EXOC4: variants seen among roughly 807,000 people sequenced by gnomAD.
EXOC4 encodes the protein SEC8-like 1.
Under a neutral mutation model 107.2 loss-of-function variants are expected in EXOC4, and 71 were observed. That is an observed-to-expected ratio of 0.66 (90% confidence interval 0.55 to 0.81). The LOEUF (loss-of-function observed/expected upper bound fraction) is 0.81, where lower values mean the gene tolerates loss of function less well. Among genes scored for constraint, EXOC4 ranks in the 30% least tolerant of loss-of-function variants. EXOC4 has a pLI of 0.00. For synonymous variants in EXOC4, 456 were observed against 441.2 expected (o/e 1.03, Z -0.42); for missense variants, 1,108 against 1,189.6 (o/e 0.93, Z 1.01).
rs768204269 is a variant in EXOC4, at chr7:134,005,016, A to C, written c.2453A>C (p.Asn818Thr). The change falls in exon 16 of 18, where the codon AAC becomes ACC. Residue 818 changes from asparagine to threonine, a missense_variant. Asn to Thr is a moderately conservative substitution (Grantham distance 65). Coordinates refer to ENST00000253861, the MANE Select transcript of EXOC4 (RefSeq NM_021807.4). ...MDYDPLVVKL[N>T]KDISAIEEAM... ...TATGACCCCCTGGTGGTCAAGCTCA[A>C]CAAAGATATCAGCGCCATTGAAGAG... The C allele has an allele frequency of 5.0e-6, 8 of 1,613,564 alleles. No homozygotes were observed. The South Asian group carries it at 8.8e-5, about 18-fold the overall frequency.
intron 7 of EXOC4, among the ~76,000 whole-genome samples, chr7:133,444,751 A>C (rs1037147675): frequency 6.6e-6 from 1 of 152,100 alleles, no homozygotes; most frequent in Non-Finnish European, 1.5e-5. Flanking sequence ...TATTTTGGCT[A>C]TGTTAAATGT....
At chr7:133,871,220 C>T (rs1050124955) in intron 11 of EXOC4, among the ~76,000 whole-genome samples, 2 of 151,798 alleles carry the variant, frequency 1.3e-5, no homozygotes, top group African/African-American at 4.8e-5. Flanking sequence ...TGCTTTTCAT[C>T]TCTTCCCAAC....
chr7:133,762,950 A>G (rs1010725393), intron 10 of EXOC4, among the ~76,000 whole-genome samples: 1 of 152,148 alleles, frequency 6.6e-6, no homozygotes, highest in African/African-American at 2.4e-5. Flanking sequence ...TATCATGTAT[A>G]TATTAATAAT....
chr7:133,434,235 A>AC (rs1797916560), intron 7 of EXOC4, among the ~76,000 whole-genome samples: 1 of 152,164 alleles, frequency 6.6e-6, no homozygotes, highest in Non-Finnish European at 1.5e-5. Flanking sequence ...AGAAACCTGC[A>AC]CATTGTTTAA....
intron 9 of EXOC4, among the ~76,000 whole-genome samples, chr7:133,499,689 AC>A (rs1298181713): frequency 2.6e-5 from 4 of 152,134 alleles, no homozygotes; most frequent in African/African-American, 9.7e-5. Flanking sequence ...TGGTTGGATC[AC>A]GGGGCGGAGT....
intron 14 of EXOC4, among the ~76,000 whole-genome samples, chr7:133,961,279 A>AGTTT (rs1800936277): frequency 1.6e-5 from 1 of 63,478 alleles, no homozygotes; most frequent in South Asian, 7.5e-4. Context: ...CTCATGTCAA[A>AGTTT]CTTTTTTTTT....
intron 11 of EXOC4, among the ~76,000 whole-genome samples, chr7:133,847,293 C>G (rs140818723): frequency 1.3e-5 from 2 of 152,178 alleles, no homozygotes; most frequent in Non-Finnish European, 2.9e-5. Context: ...GTAAACATAG[C>G]CTTTTTCCCT....
At position 133,452,920 on chromosome 7, in the gene EXOC4, T is replaced by G. The variant is rs147130556; in HGVS notation, c.1183-22408T>G. Among the ~76,000 whole-genome samples, 50 of 152,322 alleles carry G rather than the reference T, an allele frequency of 3.3e-4. 1 individual carries two copies. In the East Asian group the frequency reaches 9.5e-3, roughly 29 times the overall value. ...TTTGTTCCATGTGAAAAGGGCCTTA[T>G]AATGGCATCACCAGTTGTTCATTAA... On this transcript the variant is annotated intron_variant, in intron 7 of 17. Coordinates refer to ENST00000253861, the MANE Select transcript of EXOC4 (RefSeq NM_021807.4).
intron 1 of EXOC4, among the ~76,000 whole-genome samples, chr7:133,267,052 T>C (rs1432654733): frequency 6.6e-6 from 1 of 152,230 alleles, no homozygotes; most frequent in Non-Finnish European, 1.5e-5. Context: ...TGTTTAGCCC[T>C]GCATCTCTTT....
chr7:133,974,683 G>A (rs1460478850), intron 14 of EXOC4, among the ~76,000 whole-genome samples: 1 of 152,164 alleles, frequency 6.6e-6, no homozygotes, highest in Non-Finnish European at 1.5e-5. Context: ...GGGTTAACAG[G>A]CAGAATTATA....
chr7:133,907,710 G>T (rs1020904026), intron 12 of EXOC4, among the ~76,000 whole-genome samples: 5 of 152,124 alleles, frequency 3.3e-5, no homozygotes, highest in African/African-American at 1.2e-4. Flanking sequence ...ATGGTGGCAG[G>T]TTCCTGTAAT....
At chr7:134,042,301 C>T (rs1401529714) in intron 17 of EXOC4, among the ~76,000 whole-genome samples, 2 of 152,114 alleles carry the variant, frequency 1.3e-5, no homozygotes, top group East Asian at 3.9e-4. Context: ...CAACTAAGTG[C>T]TTTGTGTCTT....
At chr7:134,008,753 C>T (rs965653485) in intron 17 of EXOC4, among the ~76,000 whole-genome samples, 1 of 151,860 alleles carries the variant, frequency 6.6e-6, no homozygotes, top group Non-Finnish European at 1.5e-5. Context: ...AGGGATCCTC[C>T]GAGGAGCTGG....
intron 10 of EXOC4, among the ~76,000 whole-genome samples, chr7:133,662,906 A>G (rs1272234605): frequency 6.6e-6 from 1 of 152,192 alleles, no homozygotes; most frequent in African/African-American, 2.4e-5. Flanking sequence ...TACTCAAAAC[A>G]TCTCACAGAC....
intron 10 of EXOC4, among the ~76,000 whole-genome samples, chr7:133,741,510 A>G (rs935050726): frequency 6.6e-6 from 1 of 152,106 alleles, no homozygotes; most frequent in African/African-American, 2.4e-5. Flanking sequence ...GTTTCTCTCC[A>G]CTAGGCAAAG....
At chr7:133,532,387 A>G (rs1800197031) in intron 9 of EXOC4, among the ~76,000 whole-genome samples, 1 of 152,130 alleles carries the variant, frequency 6.6e-6, no homozygotes, top group Admixed American at 6.6e-5. Context: ...CCTCTTAGGA[A>G]ATGAGTATTA....
At chr7:133,866,773 A>G (rs970225553) in intron 11 of EXOC4, among the ~76,000 whole-genome samples, 7 of 152,212 alleles carry the variant, frequency 4.6e-5, no homozygotes, top group African/African-American at 1.7e-4. Flanking sequence ...ACTTATATAT[A>G]AGGTGTACAA....
intron 14 of EXOC4, among the ~76,000 whole-genome samples, chr7:133,953,592 G>A (rs751760135): frequency 2.6e-4 from 40 of 152,140 alleles, no homozygotes; most frequent in East Asian, 1.5e-3. Flanking sequence ...TCAAGGCTGC[G>A]GTGAGGTGTG....
chr7:133,265,404 TAAA>T (rs753338512), intron 1 of EXOC4, among the ~76,000 whole-genome samples: 2 of 144,110 alleles, frequency 1.4e-5, no homozygotes, highest in Non-Finnish European at 1.5e-5. Context: ...AGACTCTGTC[TAAA>T]AAAAAAAAAA....
Sources: allele counts gnomAD v4.1 joint callset (sites outside exome capture counted in the v4.1 genomes callset), GRCh38; gene constraint gnomAD v4.1.1; transcripts MANE v1.5; gene names NCBI Gene and HGNC (gene_info 2026-07-23, HGNC 2026-07-21).